Variants in SFMBT2 observed in about 807,000 individuals in gnomAD.
SFMBT2 encodes the protein Scm like with four mbt domains 2.
SFMBT2 carries 38 observed loss-of-function variants against 110.1 expected under a neutral mutation model. The ratio of observed to expected loss-of-function variants is 0.35; its 90% CI spans 0.27 to 0.45. The LOEUF is 0.45. SFMBT2 is among the 20% of genes least tolerant of loss of function. The pLI is 1.00. For missense variants in SFMBT2, 1,011 were observed against 1,094.9 expected (o/e 0.92, Z 1.08); for synonymous variants, 425 against 425.4 (o/e 1.00, Z 0.01).
chr10:7,315,112 A>AAAGAAAGAAAAGAAAG (rs1564435697), intron 4 of SFMBT2, among the ~76,000 whole-genome samples: 2 of 109,382 alleles, frequency 1.8e-5, no homozygotes, highest in Admixed American at 8.5e-5. Flanking sequence ...AAGAAAGAAA[A>AAAGAAAGAAAAGAAAG]AGCAAGCAAG....
chr10:7,354,476 G>A (rs1000909282), intron 4 of SFMBT2, among the ~76,000 whole-genome samples: 5 of 152,182 alleles, frequency 3.3e-5, no homozygotes, highest in Non-Finnish European at 7.3e-5. Flanking sequence ...ACGTAGGAGA[G>A]GAAAGAGTGG....
chr10:7,364,467 A>C (rs1844827180), intron 4 of SFMBT2, among the ~76,000 whole-genome samples: 1 of 152,196 alleles, frequency 6.6e-6, no homozygotes, highest in South Asian at 2.1e-4. Context: ...CTGAGGGAGA[A>C]GGAAGAATTG....
At chr10:7,269,310 C>A (rs1841497273) in intron 7 of SFMBT2, among the ~76,000 whole-genome samples, 1 of 152,046 alleles carries the variant, frequency 6.6e-6, no homozygotes, top group African/African-American at 2.4e-5. Flanking sequence ...AGTTTGTATT[C>A]AAGACAGAAA....
At chr10:7,325,331 C>G (rs1391167267) in intron 4 of SFMBT2, among the ~76,000 whole-genome samples, 2 of 152,062 alleles carry the variant, frequency 1.3e-5, no homozygotes, top group South Asian at 4.2e-4. Context: ...TTGGGGAGTT[C>G]ACAAACGTTC....
chr10:7,308,093 G>A (rs1314188793), intron 4 of SFMBT2, among the ~76,000 whole-genome samples: 1 of 152,158 alleles, frequency 6.6e-6, no homozygotes, highest in African/African-American at 2.4e-5. Flanking sequence ...AGCAGCTCGT[G>A]CCTATAGTGC....
rs78531258 is a variant in SFMBT2 at position 7,244,983 on chromosome 10, T to G, written c.973-1278A>C. On this transcript the variant is annotated intron_variant, in intron 8 of 20. Transcript: ENST00000397167. Reference sequence around the variant, plus strand: ...AAAGGATTATGAAAATCCTTTGACTTCTATCATTTTCACTCTGCTGGGCAC... The same window carrying G: ...AAAGGATTATGAAAATCCTTTGACTGCTATCATTTTCACTCTGCTGGGCAC... 7.1e-3 allele frequency among the ~76,000 whole-genome samples: 1,085 copies of G among 152,158 alleles called. 12 individuals carry two copies. Among genetic ancestry groups the G allele is most frequent in the South Asian group, 0.015 (70 of 4,812 alleles).
chr10:7,203,126 A>G, intron 12 of SFMBT2: 2 of 984,334 alleles, frequency 2.0e-6, no homozygotes, highest in Non-Finnish European at 2.4e-6. Flanking sequence ...GGCATCTACT[A>G]ACTTTGGCTC....
Position 7,367,877 on chromosome 10 carries a change from T to C in SFMBT2, c.208A>G (p.Ile70Val), listed in dbSNP as rs1014636136. Residue 70 changes from isoleucine to valine, a missense_variant, in exon 4 of 21, where the codon ATT becomes GTT. By Grantham distance (29) the Ile-to-Val change is conservative. Around this residue, in one of 2 missense-constraint regions of SFMBT2, gnomAD observed 979 missense variants for 1,016.1 expected, o/e 0.96. Transcript: ENST00000397167. This position sits in a 1 kb window ranked among gnomAD's most constrained non-coding sequence, Gnocchi z 6.2. ...ATTCCTGGCTGGAAGTTGCTCTGAA[T>C]GCTGATTTCAACCTTAAGGAATCAG... is the stretch of plus-strand genomic sequence containing the variant. ...HTSFKHVEISIQSNFQPGMKL... is the reference protein window; with the variant it reads ...HTSFKHVEISVQSNFQPGMKL... 2 of 1,614,166 alleles carry C rather than the reference T, an allele frequency of 1.2e-6. No individual in the cohort carries two copies. The highest frequency in any genetic ancestry group is 1.7e-6 in the Non-Finnish European group (2 of 1,180,024).
chr10:7,330,292 GGCT>G (rs1393049412), intron 4 of SFMBT2, among the ~76,000 whole-genome samples: 3 of 152,156 alleles, frequency 2.0e-5, no homozygotes, highest in African/African-American at 4.8e-5. Flanking sequence ...CTAGTTCCAA[GGCT>G]GCTATTTTGA....
At chr10:7,246,091 AG>A in intron 8 of SFMBT2, 1 of 937,604 alleles carries the variant, frequency 1.1e-6, no homozygotes, top group Non-Finnish European at 1.3e-6. Context: ...TCTAAAAGAC[AG>A]ATGCACATAC....
intron 12 of SFMBT2, chr10:7,204,370 T>C: frequency 1.0e-6 from 1 of 985,416 alleles, no homozygotes; most frequent in Non-Finnish European, 1.2e-6. Flanking sequence ...CAGAACAGGC[T>C]GTTAGGAAGA....
intron 2 of SFMBT2, among the ~76,000 whole-genome samples, chr10:7,373,961 A>T (rs182854443): frequency 6.6e-6 from 1 of 152,220 alleles, no homozygotes; most frequent in East Asian, 1.9e-4. Flanking sequence ...CCTTCCTGCA[A>T]ATCACAAACA....
At position 7,169,053 on chromosome 10, in the gene SFMBT2, C is replaced by G. The variant is rs181111975; in HGVS notation, c.2544+1875G>C. On this transcript the variant is annotated intron_variant, in intron 20 of 20. Coordinates refer to ENST00000397167, the MANE Select transcript of SFMBT2 (RefSeq NM_001387889.1). ...TCTCGGCTCACTGCTACCTCTCCCT[C>G]CCAGGTTCAAGCAATTCTCTTGCCT... Among the ~76,000 whole-genome samples the G allele has an allele frequency of 3.9e-3, 600 of 152,296 alleles. 5 individuals are homozygous for G. The highest frequency in any genetic ancestry group is 0.014 in the African/African-American group (582 of 41,560).
intron 16 of SFMBT2, among the ~76,000 whole-genome samples, chr10:7,176,934 T>C (rs951457096): frequency 1.3e-5 from 2 of 151,914 alleles, no homozygotes; most frequent in African/African-American, 4.8e-5. Context: ...GCTGTATCTC[T>C]CAAGTGTAAA....
intron 11 of SFMBT2, among the ~76,000 whole-genome samples, chr10:7,210,186 C>A (rs1262164115): frequency 6.6e-6 from 1 of 152,174 alleles, no homozygotes; most frequent in South Asian, 2.1e-4. Context: ...CACGGCTCCA[C>A]CCAGCCGATG....
intron 14 of SFMBT2, among the ~76,000 whole-genome samples, chr10:7,199,762 G>A (rs1838893713): frequency 6.6e-6 from 1 of 152,148 alleles, no homozygotes; most frequent in Admixed American, 6.5e-5. Context: ...CTCCTAGTAG[G>A]ATTCTTCCAT....
At chr10:7,213,728 C>T (rs35458331) in intron 11 of SFMBT2, among the ~76,000 whole-genome samples, 33,385 of 123,128 alleles carry the variant, frequency 0.27, 5,945 homozygotes, top group Middle Eastern at 0.4. Context: ...AGGCCATGGG[C>T]GCGGGCACTC....
intron 6 of SFMBT2, among the ~76,000 whole-genome samples, chr10:7,281,311 T>C (rs1230747811): frequency 6.6e-6 from 1 of 152,108 alleles, no homozygotes; most frequent in Admixed American, 6.5e-5. Context: ...GTGGTGGTGT[T>C]AGTGGGAGTG....
rs1408161194 is a variant in SFMBT2 at position 7,301,411 on chromosome 10, C to T, written c.437-15457G>A. On this transcript the variant is annotated intron_variant, in intron 4 of 20. Coordinates refer to ENST00000397167, the MANE Select transcript of SFMBT2 (RefSeq NM_001387889.1). The surrounding 1 kb of genome is among the most constrained non-coding windows in gnomAD (Gnocchi z 4.2). ...CATCAAGTGAGGAATGAAGAAAGCC[C>T]GAACTCATGAGACAGCGGAGGAAAC... is the stretch of plus-strand genomic sequence containing the variant. Among the ~76,000 whole-genome samples, 3 of 152,132 alleles carry T rather than the reference C, an allele frequency of 2.0e-5. No individual in the cohort carries two copies. The highest frequency in any genetic ancestry group is 1.5e-5 in the Non-Finnish European group (1 of 68,008).
Sources: allele counts gnomAD v4.1 joint callset (sites outside exome capture counted in the v4.1 genomes callset), GRCh38; gene constraint gnomAD v4.1.1; regional missense constraint gnomAD v4.1.1; non-coding constraint Gnocchi (gnomAD v3.1); transcripts MANE v1.5; gene names NCBI Gene and HGNC (gene_info 2026-07-23, HGNC 2026-07-21).